INSC: variants seen among roughly 807,000 people sequenced by gnomAD.
The protein encoded by INSC is INSC spindle orientation adaptor protein.
Under a neutral mutation model 58.6 loss-of-function variants are expected in INSC, and 67 were observed. That is an observed-to-expected ratio of 1.14 (90% CI 0.94 to 1.40). INSC has a LOEUF of 1.40. Among genes scored for constraint, INSC ranks in the 40% most tolerant of loss-of-function variants. The pLI is 0.00. For synonymous variants in INSC, 262 were observed against 276.1 expected (o/e 0.95, Z 0.51); for missense variants, 714 against 692.0 (o/e 1.03, Z -0.36).
At chr11:15,258,743 T>C in the INSC span, among the ~76,000 whole-genome samples, 1 of 152,196 alleles carries the variant, frequency 6.6e-6, no homozygotes, top group Non-Finnish European at 1.5e-5. Context: ...CTCTCTGACC[T>C]GGGGCGGGTG....
At chr11:15,219,428 G>A (rs1851352679) in intron 7 of INSC, among the ~76,000 whole-genome samples, 1 of 152,156 alleles carries the variant, frequency 6.6e-6, no homozygotes, top group South Asian at 2.1e-4. Context: ...CTCCCCAACT[G>A]CAGTGGACAC....
intron 11 of INSC, 70 bp from the exon 12 acceptor site, chr11:15,240,377 C>G (rs1412411553): frequency 8.0e-6 from 11 of 1,370,118 alleles, no homozygotes; most frequent in African/African-American, 4.3e-5. Context: ...GCAAGGGAGG[C>G]CCAGAACCTC....
chr11:15,247,003 A>G lies in INSC; in HGVS notation c.*963A>G, dbSNP rs1852587427. On this transcript the variant is annotated 3_prime_UTR_variant, in exon 13 of 13. Coordinates refer to ENST00000379556, the MANE Select transcript of INSC (RefSeq NM_001042536.3). ...GAGTATTTACACCACAGAAATTCAC[A>G]GATGCTATAAAGCACAGCTTTCGCT... 6.6e-6 allele frequency: 1 copy of G among 150,384 alleles called. No individual in the cohort carries two copies. Among genetic ancestry groups the G allele is most frequent in the Non-Finnish European group, 1.5e-5 (1 of 67,860 alleles). 9.3% of individuals were successfully genotyped at this position (150,384 alleles called of 1,614,324 possible).
In INSC at chr11:15,116,532, G is replaced by C. The variant is rs111969156; in HGVS notation, c.-46+1529G>C. Among the ~76,000 whole-genome samples the C allele has an allele frequency of 8.5e-3, 1,296 of 152,172 alleles. 15 individuals carry two copies. The highest frequency in any genetic ancestry group is 0.029 in the African/African-American group (1,217 of 41,514). ...GACCACTGGGCACACACTATACAGCGCTTGGAAGAGTAGGTGCCCTAAAAT... is the reference window on the plus strand; with the variant it reads ...GACCACTGGGCACACACTATACAGCCCTTGGAAGAGTAGGTGCCCTAAAAT... On this transcript the variant is annotated intron_variant, in intron 1 of 12. Transcript: ENST00000379556.
chr11:15,264,993 C>T, the INSC span, among the ~76,000 whole-genome samples: 1 of 152,006 alleles, frequency 6.6e-6, no homozygotes, highest in Non-Finnish European at 1.5e-5. Context: ...AAACAACTCT[C>T]ACTAAAGAAA....
At chr11:15,143,629 A>T (rs138480267) in intron 1 of INSC, among the ~76,000 whole-genome samples, 2 of 152,296 alleles carry the variant, frequency 1.3e-5, no homozygotes, top group East Asian at 3.9e-4. Flanking sequence ...TGTGCTTGAG[A>T]TCACCCTGGT....
intron 7 of INSC, among the ~76,000 whole-genome samples, chr11:15,201,837 G>A (rs1182098942): frequency 6.6e-6 from 1 of 152,146 alleles, no homozygotes; most frequent in Non-Finnish European, 1.5e-5. Context: ...GGTCTAAATG[G>A]GGACAGGGGC....
chr11:15,226,312 C>T (rs548645934), intron 9 of INSC, among the ~76,000 whole-genome samples: 1 of 152,268 alleles, frequency 6.6e-6, no homozygotes, highest in South Asian at 2.1e-4. Context: ...GAAACAGGGG[C>T]TTGGAGCAGA....
intron 1 of INSC, among the ~76,000 whole-genome samples, chr11:15,129,103 T>C (rs373214030): frequency 7.2e-5 from 11 of 152,298 alleles, no homozygotes; most frequent in African/African-American, 2.6e-4. Flanking sequence ...TCCCCTCACA[T>C]ACCAGTCAAG....
intron 1 of INSC, among the ~76,000 whole-genome samples, chr11:15,142,585 T>G (rs553912380): frequency 6.6e-6 from 1 of 152,302 alleles, no homozygotes; most frequent in South Asian, 2.1e-4. Flanking sequence ...GAGGGTGACA[T>G]TCCCTTGGTT....
chr11:15,255,727 A>AGTGTGTGTGTGT, the INSC span, among the ~76,000 whole-genome samples: 10 of 93,514 alleles, frequency 1.1e-4, no homozygotes, highest in South Asian at 3.2e-3. Context: ...TGTATATGTA[A>AGTGTGTGTGTGT]GTGTGTGTAT....
chr11:15,143,136 A>G (rs1000072156), intron 1 of INSC, among the ~76,000 whole-genome samples: 2 of 152,192 alleles, frequency 1.3e-5, no homozygotes, highest in Admixed American at 6.5e-5. Flanking sequence ...TGAGTGGCAC[A>G]TTCCTCTAGT....
intron 12 of INSC, among the ~76,000 whole-genome samples, chr11:15,244,853 G>A (rs899211029): frequency 1.3e-5 from 2 of 152,126 alleles, no homozygotes; most frequent in African/African-American, 4.8e-5. Flanking sequence ...ATATGCTCAG[G>A]AAGAGGGAAG....
At position 15,190,764 on chromosome 11, in the gene INSC, C is replaced by CA; in HGVS notation, c.643_644insA (p.Leu215HisfsTer82). On this transcript the variant is annotated frameshift_variant, in exon 6 of 13. Transcript: ENST00000379556. LOFTEE classifies it high-confidence loss of function. ...CACCACAGAGTCCACCACAGGGAAC[C>CA]TGTTCAGCCTGACCCAGGAGGGGGC... 1 of 1,613,966 alleles carries CA rather than the reference C, an allele frequency of 6.2e-7. No individual in the cohort carries two copies. Among genetic ancestry groups the CA allele is most frequent in the Non-Finnish European group, 8.5e-7 (1 of 1,179,846 alleles).
In INSC at chr11:15,179,200, T is replaced by A. The variant is rs192064802; in HGVS notation, c.579+753T>A. Among the ~76,000 whole-genome samples the A allele has an allele frequency of 1.1e-4, 16 of 152,320 alleles. No individual in the cohort carries two copies. In the East Asian group the frequency reaches 2.9e-3, roughly 28 times the overall value. On this transcript the variant is annotated intron_variant, in intron 5 of 12. Transcript: ENST00000379556. ...TTCTCCAGAAGAAAAGTGAGAGGAC[T>A]AAGCAAAGGCATATGGAAGGTGTTT... is the stretch of plus-strand genomic sequence containing the variant.
chr11:15,112,652 G>A (rs890106106), upstream of INSC: 4 of 436,536 alleles, frequency 9.2e-6, no homozygotes, highest in South Asian at 1.4e-4. Context: ...GGAAGTGGGG[G>A]GGGGGCATTT....
At chr11:15,225,585 C>G (rs1851601469) in intron 8 of INSC, 65 bp from the exon 9 acceptor site, 2 of 1,500,552 alleles carry the variant, frequency 1.3e-6, no homozygotes, top group Non-Finnish European at 1.8e-6. Context: ...TTGTGTGAAC[C>G]AAATGAGACA....
At chr11:15,211,216 A>AT (rs1229114906) in intron 7 of INSC, among the ~76,000 whole-genome samples, 1 of 152,244 alleles carries the variant, frequency 6.6e-6, no homozygotes, top group Non-Finnish European at 1.5e-5. Context: ...ATAGCTGGAC[A>AT]TACAGTGCTC....
intron 2 of INSC, among the ~76,000 whole-genome samples, chr11:15,149,968 A>T (rs1053340936): frequency 1.3e-5 from 2 of 152,252 alleles, no homozygotes; most frequent in Non-Finnish European, 2.9e-5. Flanking sequence ...ACAGCAAATC[A>T]ATTGGGAGGA....
Sources: allele counts gnomAD v4.1 joint callset (sites outside exome capture counted in the v4.1 genomes callset), GRCh38; gene constraint gnomAD v4.1.1; transcripts MANE v1.5; gene names NCBI Gene and HGNC (gene_info 2026-07-23, HGNC 2026-07-21).